The following LRRC37A2 variants were observed in gnomAD, a reference collection of about 807,000 sequenced individuals.
The protein encoded by LRRC37A2 is leucine-rich repeat-containing protein 37A2.
In LRRC37A2, 9 loss-of-function variants were observed where a neutral mutation model predicts 68.8. The ratio of observed to expected loss-of-function variants is 0.13; its 90% CI spans 0.08 to 0.23. The LOEUF is 0.23. LRRC37A2 is among the 10% of genes least tolerant of loss of function. The pLI is 1.00. For missense variants in LRRC37A2, 168 were observed against 950.4 expected, an observed-to-expected ratio of 0.18 and a Z score of 10.82; for synonymous variants, 63 against 367.6, an observed-to-expected ratio of 0.17 and a Z score of 9.48.
the LRRC37A2 span, among the ~76,000 whole-genome samples, chr17:47,032,680 A>C: frequency 6.6e-6 from 1 of 151,874 alleles, no homozygotes; most frequent in South Asian, 2.1e-4. Context: ...ATGGCTGAGC[A>C]CCGGCACTGT....
chr17:46,679,748 T>A, the LRRC37A2 span, among the ~76,000 whole-genome samples: 5 of 151,082 alleles, frequency 3.3e-5, no homozygotes, highest in African/African-American at 9.8e-5. Flanking sequence ...AATGTGCATG[T>A]GAAAGTTGTA....
chr17:46,815,732 G>A, the LRRC37A2 span, among the ~76,000 whole-genome samples: 9 of 152,312 alleles, frequency 5.9e-5, no homozygotes, highest in African/African-American at 2.2e-4. Flanking sequence ...ACAAGCTGGT[G>A]TCAAGGAAGC....
the LRRC37A2 span, among the ~76,000 whole-genome samples, chr17:47,012,374 AATAG>A: frequency 6.6e-6 from 1 of 152,230 alleles, no homozygotes; most frequent in Non-Finnish European, 1.5e-5. Context: ...CAAAAGGAAA[AATAG>A]ATAAATTGCA....
the LRRC37A2 span, among the ~76,000 whole-genome samples, chr17:47,038,021 T>A: frequency 6.6e-6 from 1 of 152,176 alleles, no homozygotes; most frequent in Non-Finnish European, 1.5e-5. Context: ...TCTTCTGTAT[T>A]TGTGCAGTGC....
chr17:46,878,605 G>T, the LRRC37A2 span, among the ~76,000 whole-genome samples: 2 of 152,198 alleles, frequency 1.3e-5, no homozygotes, highest in Admixed American at 6.5e-5. Context: ...ACAGCATGGA[G>T]ATTTTCTCTG....
chr17:46,954,587 A>T, the LRRC37A2 span, among the ~76,000 whole-genome samples: 1 of 152,152 alleles, frequency 6.6e-6, no homozygotes, highest in Non-Finnish European at 1.5e-5. Context: ...CTTGATGGGG[A>T]TGACATTGAA....
the LRRC37A2 span, among the ~76,000 whole-genome samples, chr17:46,856,543 G>A: frequency 2.0e-5 from 3 of 150,620 alleles, no homozygotes; most frequent in Non-Finnish European, 4.4e-5. Flanking sequence ...GGAATGCAGT[G>A]GTGCAATCTC....
chr17:47,033,094 A>G, the LRRC37A2 span, among the ~76,000 whole-genome samples: 1 of 151,856 alleles, frequency 6.6e-6, no homozygotes, highest in Non-Finnish European at 1.5e-5. Context: ...ACGGGTACCT[A>G]TGATCCCAGC....
the LRRC37A2 span, among the ~76,000 whole-genome samples, chr17:46,958,133 G>T: frequency 6.6e-6 from 1 of 152,184 alleles, no homozygotes; most frequent in Non-Finnish European, 1.5e-5. Flanking sequence ...CTTTCCATTG[G>T]CAGCAACTGG....
At chr17:46,708,031 CAA>C in the LRRC37A2 span, among the ~76,000 whole-genome samples, 60 of 85,480 alleles carry the variant, frequency 7.0e-4, no homozygotes, top group Admixed American at 1.4e-3. Context: ...GACCCTGTCT[CAA>C]AAAAAAAAAA....
At chr17:46,939,170 A>C in the LRRC37A2 span, 1 of 1,097,782 alleles carries the variant, frequency 9.1e-7, no homozygotes, top group Non-Finnish European at 1.1e-6. Flanking sequence ...GATAGGGTGG[A>C]GCAAAAGTGG....
the LRRC37A2 span, among the ~76,000 whole-genome samples, chr17:46,860,426 T>A: frequency 2.2e-4 from 33 of 152,132 alleles, no homozygotes; most frequent in African/African-American, 7.5e-4. Context: ...AAGGCCCTGT[T>A]ATAGTGTAAG....
At chr17:46,783,336 T>C in the LRRC37A2 span, among the ~76,000 whole-genome samples, 1 of 152,220 alleles carries the variant, frequency 6.6e-6, no homozygotes, top group African/African-American at 2.4e-5. Flanking sequence ...GTGCCTGTCC[T>C]TCAGAGAGCA....
At chr17:46,795,822 C>T in the LRRC37A2 span, among the ~76,000 whole-genome samples, 1 of 152,136 alleles carries the variant, frequency 6.6e-6, no homozygotes, top group East Asian at 1.9e-4. Flanking sequence ...ACTCCTTCTC[C>T]TTCACTTGTG....
the LRRC37A2 span, among the ~76,000 whole-genome samples, chr17:46,995,557 C>A: frequency 3.3e-5 from 5 of 152,146 alleles, no homozygotes; most frequent in Non-Finnish European, 5.9e-5. Context: ...TCCCATACTC[C>A]TTCCTGATGC....
the LRRC37A2 span, among the ~76,000 whole-genome samples, chr17:47,043,344 A>T: frequency 6.6e-6 from 1 of 151,834 alleles, no homozygotes; most frequent in Non-Finnish European, 1.5e-5. Flanking sequence ...CATGCCAGGC[A>T]CGGGGATGAC....
chr17:46,800,362 C>T, the LRRC37A2 span, among the ~76,000 whole-genome samples: 9 of 152,168 alleles, frequency 5.9e-5, no homozygotes, highest in Admixed American at 4.6e-4. Flanking sequence ...CCGCCCACCT[C>T]GGCCTCCCAA....
chr17:46,788,796 C>G, the LRRC37A2 span, among the ~76,000 whole-genome samples: 3 of 152,176 alleles, frequency 2.0e-5, no homozygotes, highest in Admixed American at 6.5e-5. Flanking sequence ...AGCAGCCCCA[C>G]TGAGTGCCCA....
chr17:46,892,015 G>C, the LRRC37A2 span, among the ~76,000 whole-genome samples: 1 of 149,852 alleles, frequency 6.7e-6, no homozygotes, highest in African/African-American at 2.5e-5. Flanking sequence ...CACCTCATGG[G>C]TTCAAGTGAT....
Sources: allele counts gnomAD v4.1 joint callset (sites outside exome capture counted in the v4.1 genomes callset), GRCh38; gene constraint gnomAD v4.1.1; transcripts MANE v1.5; gene names NCBI Gene and HGNC (gene_info 2026-07-23, HGNC 2026-07-21).